PDE1C: variants seen among roughly 807,000 people sequenced by gnomAD.
The protein encoded by PDE1C is dual specificity calcium/calmodulin-dependent 3',5'-cyclic nucleotide phosphodiesterase 1C.
In PDE1C, 62 loss-of-function variants were observed where a neutral mutation model predicts 93.1. The ratio of observed to expected loss-of-function variants is 0.67; its 90% CI spans 0.54 to 0.82. PDE1C has a LOEUF of 0.82. Ranked by LOEUF, PDE1C falls within the 40% of genes least tolerant of loss-of-function variation. The pLI is 0.00. For missense variants in PDE1C, 742 were observed against 884.6 expected (o/e 0.84, Z 2.04); for synonymous variants, 325 against 310.1 (o/e 1.05, Z -0.50).
intron 1 of PDE1C, among the ~76,000 whole-genome samples, chr7:32,343,170 T>G (rs1167333123): frequency 2.0e-5 from 3 of 152,122 alleles, no homozygotes; most frequent in Non-Finnish European, 4.4e-5. Flanking sequence ...TTAACCAGAA[T>G]TACTTCTAGA....
chr7:32,341,411 G>A (rs1364327907), intron 1 of PDE1C, among the ~76,000 whole-genome samples: 1 of 151,066 alleles, frequency 6.6e-6, no homozygotes, highest in East Asian at 2.0e-4. Flanking sequence ...TCCTGACCTC[G>A]TGATCCGCCC....
At chr7:31,934,163 C>G (rs1563060055) in intron 2 of PDE1C, among the ~76,000 whole-genome samples, 1 of 152,084 alleles carries the variant, frequency 6.6e-6, no homozygotes, top group Non-Finnish European at 1.5e-5. Flanking sequence ...CTGGTGGCCA[C>G]GATTGCTAAG....
intron 2 of PDE1C, among the ~76,000 whole-genome samples, chr7:32,192,034 A>G (rs1320729330): frequency 6.6e-6 from 1 of 152,080 alleles, no homozygotes; most frequent in Non-Finnish European, 1.5e-5. Flanking sequence ...ATGTCTGTTC[A>G]TGTTCTTTGA....
intron 1 of PDE1C, among the ~76,000 whole-genome samples, chr7:32,397,858 C>CAAAA (rs757982405): frequency 0.042 from 5,684 of 135,344 alleles, 262 homozygotes; most frequent in African/African-American, 0.12. Context: ...ACTAAAGATA[C>CAAAA]AAAAAAAAAA....
intron 3 of PDE1C, among the ~76,000 whole-genome samples, chr7:32,081,318 G>A (rs974222273): frequency 6.6e-6 from 1 of 152,234 alleles, no homozygotes. Flanking sequence ...ACTATGGGCA[G>A]AGCCAACAGA....
chr7:32,361,931 G>A (rs751088731), intron 1 of PDE1C, among the ~76,000 whole-genome samples: 1 of 152,146 alleles, frequency 6.6e-6, no homozygotes, highest in Non-Finnish European at 1.5e-5. Flanking sequence ...TCTTTAGTCC[G>A]TCATTCAACA....
At chr7:32,142,094 C>T (rs527638194) in intron 3 of PDE1C, among the ~76,000 whole-genome samples, 1 of 148,444 alleles carries the variant, frequency 6.7e-6, no homozygotes, top group East Asian at 2.0e-4. Context: ...TATGAGAAGA[C>T]AAAGAGAATA....
chr7:32,131,113 C>G (rs1417639289), intron 3 of PDE1C, among the ~76,000 whole-genome samples: 1 of 152,110 alleles, frequency 6.6e-6, no homozygotes, highest in East Asian at 1.9e-4. Flanking sequence ...CTACAAGAAC[C>G]TGTACACATG....
intron 14 of PDE1C, among the ~76,000 whole-genome samples, chr7:31,821,870 G>GCT (rs1789012103): frequency 1.3e-5 from 2 of 151,940 alleles, no homozygotes; most frequent in African/African-American, 4.8e-5. Flanking sequence ...CCCAATATAT[G>GCT]GGAACCAACA....
chr7:32,024,892 T>C (rs1789200599), intron 2 of PDE1C, among the ~76,000 whole-genome samples: 1 of 152,120 alleles, frequency 6.6e-6, no homozygotes, highest in Admixed American at 6.6e-5. Context: ...CTACCTTTCC[T>C]CATTTTAGGG....
chr7:32,411,836 A>T (rs1440112458), intron 1 of PDE1C, among the ~76,000 whole-genome samples: 2 of 151,968 alleles, frequency 1.3e-5, no homozygotes, highest in African/African-American at 2.4e-5. Flanking sequence ...GCAAAAAAAA[A>T]TTATTTTCTT....
intron 16 of PDE1C, among the ~76,000 whole-genome samples, chr7:31,777,293 T>C (rs1310675179): frequency 1.3e-5 from 2 of 151,986 alleles, no homozygotes; most frequent in African/African-American, 2.4e-5. Flanking sequence ...AGTGGAGACA[T>C]GCACTTTGGA....
chr7:32,003,637 T>C (rs1334896099), intron 2 of PDE1C, among the ~76,000 whole-genome samples: 1 of 152,214 alleles, frequency 6.6e-6, no homozygotes, highest in Non-Finnish European at 1.5e-5. Context: ...TAGCTATGAC[T>C]GGATTCAGCT....
At chr7:32,141,039 G>A (rs1800492710) in intron 3 of PDE1C, among the ~76,000 whole-genome samples, 1 of 152,220 alleles carries the variant, frequency 6.6e-6, no homozygotes, top group Non-Finnish European at 1.5e-5. Flanking sequence ...CCGCCTTTCA[G>A]GCTGAAGTCT....
In PDE1C at chr7:32,051,670, G is replaced by C. The variant is rs551514051; in HGVS notation, c.102-90C>G. ...TTACTTCAGTGGGGATGGGCATGGG[G>C]GTCAACACTTCTTAGGGGGGTTTCT... On this transcript the variant is annotated intron_variant, in intron 1 of 17. Transcript: ENST00000396191. 10 of 1,020,098 alleles carry C rather than the reference G, an allele frequency of 9.8e-6. No homozygotes were observed. In the East Asian group the frequency reaches 2.2e-4, roughly 22 times the overall value. 63.2% of individuals were successfully genotyped at this position (1,020,098 alleles called of 1,614,324 possible). A position where few individuals can be genotyped will look rare whatever the true frequency, so the allele number is the denominator to read the frequency against.
intron 2 of PDE1C, among the ~76,000 whole-genome samples, chr7:31,946,329 C>T (rs1398370400): frequency 1.3e-5 from 2 of 152,070 alleles, no homozygotes; most frequent in Non-Finnish European, 2.9e-5. Context: ...ACAACAAGCT[C>T]TGTGCCAAAG....
chr7:31,926,594 T>C (rs1488267755), intron 2 of PDE1C, among the ~76,000 whole-genome samples: 5 of 152,048 alleles, frequency 3.3e-5, no homozygotes, highest in African/African-American at 9.7e-5. Flanking sequence ...GTACCTGGCT[T>C]ATCTCACCGG....
intron 16 of PDE1C, among the ~76,000 whole-genome samples, chr7:31,790,549 C>CT (rs1449361477): frequency 1.3e-5 from 2 of 152,122 alleles, no homozygotes; most frequent in African/African-American, 4.8e-5. Flanking sequence ...AAGCCACCTT[C>CT]TTTTGCAATG....
intron 3 of PDE1C, among the ~76,000 whole-genome samples, chr7:32,169,556 C>A (rs1802515302): frequency 6.6e-6 from 1 of 152,158 alleles, no homozygotes; most frequent in South Asian, 2.1e-4. Context: ...AATGCCAATA[C>A]CAATTAAATA....
Sources: gnomAD v4.1 joint callset for allele counts (sites outside exome capture counted in the v4.1 genomes callset) on GRCh38, gnomAD v4.1.1 for gene constraint, MANE v1.5 for transcripts, NCBI Gene and HGNC (gene_info 2026-07-23, HGNC 2026-07-21) for gene names.